The following PRUNE1 variants were observed in gnomAD, a reference collection of about 807,000 sequenced individuals.
PRUNE1 encodes the protein exopolyphosphatase PRUNE1.
In PRUNE1, 25 loss-of-function variants were observed where a neutral mutation model predicts 42.5. The observed-to-expected ratio is 0.59, with a 90% CI of 0.43 to 0.82. PRUNE1 has a LOEUF of 0.82. Ranked by LOEUF, PRUNE1 falls within the 40% of genes least tolerant of loss-of-function variation. The probability of loss-of-function intolerance (pLI) is 0.00; values close to 1 mark genes in which losing one functional copy is unlikely to be tolerated. For synonymous variants in PRUNE1, 203 were observed against 217.1 expected (o/e 0.93, Z 0.57); for missense variants, 443 against 539.3 (o/e 0.82, Z 1.77).
chr1:151,022,302 G>T (rs950278159), intron 3 of PRUNE1, among the ~76,000 whole-genome samples: 65 of 151,028 alleles, frequency 4.3e-4, no homozygotes, highest in African/African-American at 1.5e-3. Flanking sequence ...TAGAGACGGG[G>T]TTTCACCATG....
chr1:151,009,200 G>T (rs1673583364), intron 1 of PRUNE1, among the ~76,000 whole-genome samples: 1 of 152,156 alleles, frequency 6.6e-6, no homozygotes, highest in African/African-American at 2.4e-5. Flanking sequence ...TTCTAGGTTA[G>T]AAGTAGTCAC....
At position 151,035,622 on chromosome 1, in the gene PRUNE1, G is replaced by C. The variant is rs1675516432; in HGVS notation, c.*1388G>C. The C allele has an allele frequency of 6.6e-6, 1 of 152,610 alleles. No homozygotes were observed. Among genetic ancestry groups the C allele is most frequent in the African/African-American group, 2.4e-5 (1 of 41,422 alleles). The allele number at this position is 152,610 out of a possible 1,614,324, so 9.5% of individuals were successfully genotyped here. Reference sequence around the variant, plus strand: ...TGTAGCTATGTGGAAGGTAAAAATAGTGGTGTGATCATGAACCAAAGGAAT... The same window carrying C: ...TGTAGCTATGTGGAAGGTAAAAATACTGGTGTGATCATGAACCAAAGGAAT... On this transcript the variant is annotated 3_prime_UTR_variant, in exon 8 of 8. Coordinates refer to ENST00000271620, the MANE Select transcript of PRUNE1 (RefSeq NM_021222.3).
chr1:151,029,047 T>G, intron 7 of PRUNE1, 103 bp downstream of exon 7: 1 of 1,243,838 alleles, frequency 8.0e-7, no homozygotes, highest in Non-Finnish European at 1.1e-6. Context: ...TAGGTTCTTA[T>G]ATTAATGTAC....
At position 151,018,675 on chromosome 1, in the gene PRUNE1, C is replaced by T. The variant is rs1674244938; in HGVS notation, c.335+6C>T. On this transcript the variant is annotated splice_donor_region_variant and intron_variant, in intron 3 of 7. Transcript: ENST00000271620. ...GACCATCATATCTTATCCAAGTAAG[C>T]ACAAGGAAATTAAATTGCTACCTAT... 2 of 1,611,436 alleles carry T rather than the reference C, an allele frequency of 1.2e-6. No individual in the cohort carries two copies. The highest frequency in any genetic ancestry group is 3.3e-5 in the Admixed American group (2 of 59,904).
At chr1:151,031,599 G>A (rs779212255) in intron 7 of PRUNE1, among the ~76,000 whole-genome samples, 3 of 152,140 alleles carry the variant, frequency 2.0e-5, no homozygotes, top group Non-Finnish European at 4.4e-5. Flanking sequence ...TGGGCTCAGT[G>A]TCAGTTTTGC....
chr1:151,010,513 C>A (rs1269006574), intron 1 of PRUNE1, among the ~76,000 whole-genome samples: 2 of 152,070 alleles, frequency 1.3e-5, no homozygotes, highest in African/African-American at 4.8e-5. Context: ...TCCTTTCAAA[C>A]TTGTGAACTT....
At chr1:151,028,570 T>C (rs1272566768) in intron 6 of PRUNE1, among the ~76,000 whole-genome samples, 1 of 152,092 alleles carries the variant, frequency 6.6e-6, no homozygotes, top group African/African-American at 2.4e-5. Context: ...ATTACAGGCA[T>C]ATGCCCCCAT....
rs587654605 is a variant in PRUNE1 at position 151,010,476 on chromosome 1, A to AT, written c.39+1806dup. Among the ~76,000 whole-genome samples, 6 of 152,156 alleles carry AT rather than the reference A, an allele frequency of 3.9e-5. No individual in the cohort carries two copies. In the East Asian group the frequency reaches 1.2e-3, roughly 29 times the overall value. ...TCTCGACCTTTCTCTCCCTGCATTC[A>AT]TCCCCCAAGGAGCAAGATCTAGATC... On this transcript the variant is annotated intron_variant, in intron 1 of 7. Transcript: ENST00000271620.
chr1:151,011,903 C>T (rs1293953914), intron 1 of PRUNE1, among the ~76,000 whole-genome samples: 10 of 151,972 alleles, frequency 6.6e-5, no homozygotes, highest in South Asian at 2.1e-4. Flanking sequence ...CTCAGCCTCC[C>T]GAGTAGCTGG....
At chr1:151,021,723 C>CT (rs778163573) in intron 3 of PRUNE1, among the ~76,000 whole-genome samples, 2,022 of 141,168 alleles carry the variant, frequency 0.014, 23 homozygotes, top group African/African-American at 0.032. Flanking sequence ...CTTTTTTTTT[C>CT]TTTTTTTTTT....
At chr1:151,014,324 G>A (rs1673966040) in intron 1 of PRUNE1, among the ~76,000 whole-genome samples, 1 of 152,172 alleles carries the variant, frequency 6.6e-6, no homozygotes, top group Admixed American at 6.5e-5. Context: ...GGCATGGGGA[G>A]GACCTCAGGG....
intron 3 of PRUNE1, among the ~76,000 whole-genome samples, chr1:151,021,713 CT>C (rs894718586): frequency 5.5e-5 from 8 of 146,144 alleles, no homozygotes; most frequent in African/African-American, 7.8e-5. Flanking sequence ...ATAAACTTTC[CT>C]TTTTTTTTCT....
chr1:151,024,096 G>A (rs587763716), intron 3 of PRUNE1, among the ~76,000 whole-genome samples: 1 of 151,582 alleles, frequency 6.6e-6, no homozygotes, highest in Non-Finnish European at 1.5e-5. Flanking sequence ...GCTGAGGCAG[G>A]AGAATCACTT....
intron 3 of PRUNE1, among the ~76,000 whole-genome samples, chr1:151,023,485 C>G (rs11204760): frequency 6.7e-6 from 1 of 150,246 alleles, no homozygotes; most frequent in Admixed American, 6.6e-5. Flanking sequence ...TTTGGGAGGC[C>G]GAGGCGGGCG....
intron 3 of PRUNE1, among the ~76,000 whole-genome samples, chr1:151,020,470 G>C (rs974865172): frequency 1.4e-5 from 2 of 145,056 alleles, no homozygotes; most frequent in African/African-American, 5.1e-5. Flanking sequence ...ATTTTTTTAA[G>C]TTATCAAAAG....
chr1:151,020,972 G>T (rs1289597351), intron 3 of PRUNE1, among the ~76,000 whole-genome samples: 1 of 147,726 alleles, frequency 6.8e-6, no homozygotes, highest in African/African-American at 2.5e-5. Flanking sequence ...GACAGAGCAA[G>T]ACTCCATCTT....
intron 1 of PRUNE1, among the ~76,000 whole-genome samples, chr1:151,009,712 A>C (rs747864613): frequency 6.6e-6 from 1 of 152,262 alleles, no homozygotes; most frequent in Non-Finnish European, 1.5e-5. Context: ...AGCTGCTGGA[A>C]TAAATGAATT....
intron 6 of PRUNE1, among the ~76,000 whole-genome samples, chr1:151,027,914 C>A (rs1167909076): frequency 6.6e-6 from 1 of 152,126 alleles, no homozygotes; most frequent in Non-Finnish European, 1.5e-5. Context: ...CTGTGCCCGG[C>A]CTCATTGTAT....
intron 3 of PRUNE1, among the ~76,000 whole-genome samples, chr1:151,022,566 G>A (rs1398786793): frequency 1.3e-5 from 2 of 150,874 alleles, no homozygotes; most frequent in African/African-American, 4.9e-5. Flanking sequence ...CTACAGGTGT[G>A]CCCGCCACCA....
Sources: allele counts gnomAD v4.1 joint callset (sites outside exome capture counted in the v4.1 genomes callset), GRCh38; gene constraint gnomAD v4.1.1; transcripts MANE v1.5; gene names NCBI Gene and HGNC (gene_info 2026-07-23, HGNC 2026-07-21).